Variants in CEP78 observed in about 807,000 individuals in gnomAD.
CEP78 encodes centrosomal protein 78.
In CEP78, 76 loss-of-function variants were observed where a neutral mutation model predicts 81.2. The ratio of observed to expected loss-of-function variants is 0.94; its 90% CI spans 0.78 to 1.13. The LOEUF (loss-of-function observed/expected upper bound fraction) is 1.13, where lower values mean the gene tolerates loss of function less well. Among genes scored for constraint, CEP78 ranks in the 50% most tolerant of loss-of-function variants. The pLI is 0.00. For synonymous variants in CEP78, 293 were observed against 301.4 expected (o/e 0.97, Z 0.29); for missense variants, 918 against 846.8 (o/e 1.08, Z -1.04).
At chr9:78,239,428 T>G (rs1571777) in intron 1 of CEP78, among the ~76,000 whole-genome samples, 7,491 of 152,312 alleles carry the variant, frequency 0.049, 285 homozygotes, top group Admixed American at 0.14. Flanking sequence ...TCAGCTGTGT[T>G]CTGTTAAGCC....
chr9:78,244,816 T>C (rs534027027), intron 5 of CEP78, among the ~76,000 whole-genome samples: 9 of 152,236 alleles, frequency 5.9e-5, no homozygotes, highest in African/African-American at 2.2e-4. Flanking sequence ...TTCATTGTTA[T>C]AAACAGTACT....
chr9:78,248,879 CT>C lies in CEP78; in HGVS notation c.1069+10del. 1 of 1,439,144 alleles carries C rather than the reference CT, an allele frequency of 6.9e-7. No homozygotes were observed. The highest frequency in any genetic ancestry group is 9.6e-7 in the Non-Finnish European group (1 of 1,041,478). 89.1% of individuals were successfully genotyped at this position (1,439,144 alleles called of 1,614,324 possible). ...AAAAGCTACTATTAGAATTGGTAAC[CT>C]TTTCTGTCTTGGCTTTTTAATGCTA... On this transcript the variant is annotated splice_region_variant and intron_variant, in intron 8 of 16. Transcript: ENST00000643273.
rs1483244865 is a variant in CEP78 at position 78,274,632 on chromosome 9, T to TG, written c.*3781_*3782insG. ...CCAATAGAACATTCATATAAATGAT[T>TG]CCTATGAAGGTAAAAAACTTACAAA... On this transcript the variant is annotated 3_prime_UTR_variant, in exon 17 of 17. Coordinates refer to ENST00000643273, the MANE Select transcript of CEP78 (RefSeq NM_001330691.3). 6.6e-6 allele frequency: 1 copy of TG among 152,182 alleles called. No individual in the cohort carries two copies. Among genetic ancestry groups the TG allele is most frequent in the Non-Finnish European group, 1.5e-5 (1 of 68,032 alleles). The allele number at this position is 152,182 out of a possible 1,614,324, so 9.4% of individuals were successfully genotyped here. A position where few individuals can be genotyped will look rare whatever the true frequency, so the allele number is the denominator to read the frequency against.
rs143097229 is a variant in CEP78 at position 78,272,138 on chromosome 9, G to A, written c.*1287G>A. The A allele has an allele frequency of 3.9e-3, 597 of 152,216 alleles. 3 individuals are homozygous for A. The highest frequency in any genetic ancestry group is 0.013 in the African/African-American group (553 of 41,504). The allele number at this position is 152,216 out of a possible 1,614,324, so 9.4% of individuals were successfully genotyped here. A position where few individuals can be genotyped will look rare whatever the true frequency, so the allele number is the denominator to read the frequency against. ...TCACCATGTTGGCCAGGCTGGTCTC[G>A]AACTCCTAACCTCAGGTGATTCACC... On this transcript the variant is annotated 3_prime_UTR_variant, in exon 17 of 17. Transcript: ENST00000643273.
At chr9:78,260,265 CTA>C (rs1338647865) in intron 11 of CEP78, among the ~76,000 whole-genome samples, 5 of 152,092 alleles carry the variant, frequency 3.3e-5, no homozygotes, top group Admixed American at 3.3e-4. Flanking sequence ...GAAAATTATT[CTA>C]AATATGGGAG....
intron 8 of CEP78, among the ~76,000 whole-genome samples, chr9:78,251,092 TAA>T (rs1326681640): frequency 1.3e-5 from 2 of 152,232 alleles, no homozygotes; most frequent in South Asian, 2.1e-4. Flanking sequence ...ATTATATATT[TAA>T]GTGTGAATTT....
intron 3 of CEP78, 146 bp downstream of exon 3, chr9:78,240,510 A>G: frequency 2.8e-6 from 2 of 704,320 alleles, no homozygotes; most frequent in Non-Finnish European, 4.9e-6. Flanking sequence ...GTCTACCATG[A>G]AAGCTTGGCA....
At chr9:78,248,706 G>C in intron 7 of CEP78, 56 bp from the exon 8 acceptor site, 2 of 907,092 alleles carry the variant, frequency 2.2e-6, no homozygotes, top group Non-Finnish European at 3.4e-6. Context: ...CATTTAAGAT[G>C]TAGCCCTCAT....
At chr9:78,250,116 G>A (rs1826683992) in intron 8 of CEP78, 1 of 392,440 alleles carries the variant, frequency 2.5e-6, no homozygotes, top group South Asian at 1.4e-4. Flanking sequence ...ATCATTGAAT[G>A]AGAATAAAAA....
chr9:78,237,475 G>A (rs1457840893), intron 1 of CEP78, among the ~76,000 whole-genome samples: 2 of 152,170 alleles, frequency 1.3e-5, no homozygotes, highest in Admixed American at 1.3e-4. Flanking sequence ...AATGGAGGCA[G>A]CTTCCTATAG....
chr9:78,262,447 A>G (rs1298113785), intron 11 of CEP78, among the ~76,000 whole-genome samples: 1 of 152,118 alleles, frequency 6.6e-6, no homozygotes, highest in Non-Finnish European at 1.5e-5. Flanking sequence ...GAGAATCTCC[A>G]TCATGTCTAA....
Position 78,266,665 on chromosome 9 carries a change from G to A in CEP78, c.2069G>A (p.Arg690Lys). Residue 690 changes from arginine (R) to lysine (K), a missense_variant, in exon 16 of 17, where the codon AGA (arginine) becomes AAA (lysine). Transcript: ENST00000643273. ...CAAAGAAAAGAAGAGGAGTTGTCCAGAAATAGCAGATCTTCTTCAGAGAAA... is the reference window on the plus strand; with the variant it reads ...CAAAGAAAAGAAGAGGAGTTGTCCAAAAATAGCAGATCTTCTTCAGAGAAA... ...GSQRKEEELS[R>K]NSRSSSEKKT... The A allele has an allele frequency of 1.2e-6, 2 of 1,612,196 alleles. No individual in the cohort carries two copies. The highest frequency in any genetic ancestry group is 2.7e-5 in the African/African-American group (2 of 74,990).
chr9:78,258,907 G>A (rs766842464), intron 11 of CEP78, among the ~76,000 whole-genome samples: 6 of 152,130 alleles, frequency 3.9e-5, no homozygotes, highest in African/African-American at 9.7e-5. Flanking sequence ...TGCTTACACC[G>A]GAAGTATAAG....
chr9:78,244,820 C>T (rs917887474), intron 5 of CEP78, among the ~76,000 whole-genome samples: 7 of 152,174 alleles, frequency 4.6e-5, no homozygotes, highest in African/African-American at 1.7e-4. Flanking sequence ...TTGTTATAAA[C>T]AGTACTTTGA....
chr9:78,254,796 C>T (rs182191886), intron 10 of CEP78, 40 bp from the exon 11 acceptor site: 63 of 1,534,506 alleles, frequency 4.1e-5, no homozygotes, highest in East Asian at 3.0e-4. Flanking sequence ...ATTTGGTATT[C>T]GGTTTATATT....
rs186987742 is a variant in CEP78 at position 78,251,986 on chromosome 9, C to T, written c.1148C>T (p.Pro383Leu). The T allele has an allele frequency of 1.3e-5, 21 of 1,606,992 alleles. No homozygotes were observed. In the African/African-American group the frequency reaches 2.7e-4, roughly 20 times the overall value. The change falls in exon 9 of 17, where the codon CCA becomes CTA. Residue 383 changes from proline to leucine, a missense_variant. Transcript: ENST00000643273. The stretch of plus-strand genomic sequence containing the variant: ...GAATATTATGCGCCCGCACCTCTTC[C>T]ACCTGGTGTGTCTGGTTTCTTGCCG... ...GKEYYAPAPL[P>L]PGVSGFLPWR...
intron 16 of CEP78, chr9:78,267,132 T>C (rs1170067598): frequency 1.1e-6 from 1 of 916,770 alleles, no homozygotes; most frequent in Admixed American, 2.4e-5. Flanking sequence ...CTCTATACTT[T>C]TTATTATAGT....
chr9:78,269,278 G>A (rs2118517833), intron 16 of CEP78, among the ~76,000 whole-genome samples: 1 of 152,294 alleles, frequency 6.6e-6, no homozygotes, highest in East Asian at 1.9e-4. Context: ...TGTGACTAAG[G>A]TTGGGTGGTG....
intron 16 of CEP78, among the ~76,000 whole-genome samples, chr9:78,269,155 A>C (rs1217901077): frequency 6.6e-6 from 1 of 152,224 alleles, no homozygotes; most frequent in Non-Finnish European, 1.5e-5. Context: ...AAAGGGATCT[A>C]AAATAAGGTA....
Sources: gnomAD v4.1 joint callset for allele counts (sites outside exome capture counted in the v4.1 genomes callset) on GRCh38, gnomAD v4.1.1 for gene constraint, MANE v1.5 for transcripts, NCBI Gene and HGNC (gene_info 2026-07-23, HGNC 2026-07-21) for gene names.